LTF: variants seen among roughly 807,000 people sequenced by gnomAD.
LTF encodes lactotransferrin, also known as epididymis luminal protein 110.
In LTF, 91 loss-of-function variants were observed where a neutral mutation model predicts 87.2. The ratio of observed to expected loss-of-function variants is 1.04; its 90% CI spans 0.88 to 1.24. The LOEUF (loss-of-function observed/expected upper bound fraction) is 1.24. LTF is among the 50% of genes most tolerant of loss of function. The pLI is 0.00. For synonymous variants in LTF, 378 were observed against 356.1 expected (o/e 1.06, Z -0.69); for missense variants, 901 against 904.3 (o/e 1.00, Z 0.05).
rs1201431682 is a variant in LTF, at chr3:46,482,779, A to AAAAG, written c.-320+2203_-320+2206dup. Among the ~76,000 whole-genome samples, 5 of 137,050 alleles carry AAAAG rather than the reference A, an allele frequency of 3.6e-5. 1 individual carries two copies. Among genetic ancestry groups the AAAAG allele is most frequent in the African/African-American group, 1.0e-4 (4 of 38,994 alleles). The allele number at this position is 137,050 out of a possible 152,430, so 89.9% of individuals were successfully genotyped here. A position where few individuals can be genotyped will look rare whatever the true frequency, so the allele number is the denominator to read the frequency against. On this transcript the variant is annotated intron_variant, in intron 1 of 19. Transcript: ENST00000443496. ...GGAAAGAGAAAGAAAGAAAGAAAGA[A>AAAAG]AAAGAAAGAAAGAAAGAAGGAAGGA...
chr3:46,445,130 G>A (rs909513996), intron 12 of LTF, 151 bp downstream of exon 12: 2 of 745,794 alleles, frequency 2.7e-6, no homozygotes, highest in South Asian at 2.0e-5. Flanking sequence ...GCCTCCAGGG[G>A]GCAGCCACAG....
chr3:46,462,470 T>C (rs897411216), intron 1 of LTF, among the ~76,000 whole-genome samples: 3 of 152,182 alleles, frequency 2.0e-5, no homozygotes, highest in African/African-American at 7.2e-5. Context: ...TAAGTAAGTG[T>C]TGGATCTAGG....
At chr3:46,457,261 C>G (rs1248113380) in intron 2 of LTF, among the ~76,000 whole-genome samples, 3 of 152,244 alleles carry the variant, frequency 2.0e-5, no homozygotes, top group Admixed American at 6.5e-5. Context: ...CTAACTTCTG[C>G]AGAGCCTTTA....
upstream of LTF, among the ~76,000 whole-genome samples, chr3:46,466,613 G>C (rs1050295482): frequency 1.3e-5 from 2 of 152,190 alleles, no homozygotes; most frequent in African/African-American, 4.8e-5. Flanking sequence ...ATGCTTGCCT[G>C]CCATGAGACT....
intron 8 of LTF, 23 bp from the exon 9 acceptor site, chr3:46,449,040 T>G: frequency 6.3e-7 from 1 of 1,591,318 alleles, no homozygotes; most frequent in South Asian, 1.1e-5. Flanking sequence ...AGACCGCAGG[T>G]GGCTGGGCAA....
intron 1 of LTF, among the ~76,000 whole-genome samples, chr3:46,478,618 G>T (rs1269508980): frequency 6.6e-6 from 1 of 152,214 alleles, no homozygotes; most frequent in Non-Finnish European, 1.5e-5. Context: ...GGGCCAAGGG[G>T]AGGACAGAAG....
rs1455304422 is a variant in LTF at position 46,446,396 on chromosome 3, C to T, written c.1357+44G>A. ...TTCCTGCCACTTCCTCTTCCAGCAA[C>T]AAGAACTTATCCTTGACCCTGAAAG... On this transcript the variant is annotated intron_variant, in intron 11 of 16. Transcript: ENST00000231751. 2.6e-6 allele frequency: 4 copies of T among 1,544,458 alleles called. No homozygotes were observed. The South Asian group carries it at 4.6e-5, about 18-fold the overall frequency.
At chr3:46,446,538 T>A in intron 10 of LTF, 45 bp from the exon 11 acceptor site, 1 of 1,546,036 alleles carries the variant, frequency 6.5e-7, no homozygotes, top group South Asian at 1.1e-5. Flanking sequence ...CATTCAGATG[T>A]AGTGAGAAGC....
chr3:46,451,289 G>A (rs1435901073), intron 6 of LTF, among the ~76,000 whole-genome samples: 1 of 152,062 alleles, frequency 6.6e-6, no homozygotes, highest in Non-Finnish European at 1.5e-5. Context: ...AGTATAGGAG[G>A]GAAGAATTAA....
chr3:46,458,632 T>C (rs1703000113), intron 2 of LTF, among the ~76,000 whole-genome samples: 1 of 152,202 alleles, frequency 6.6e-6, no homozygotes, highest in African/African-American at 2.4e-5. Flanking sequence ...TGGAGTGCAA[T>C]AGCATGATCT....
In LTF at chr3:46,443,691, C is replaced by T. The variant is rs138858199; in HGVS notation, c.1514-109G>A. 7.0e-3 allele frequency: 7,083 copies of T among 1,008,334 alleles called. 46 individuals carry two copies. The highest frequency in any genetic ancestry group is 0.012 in the Middle Eastern group (57 of 4,744). The allele number at this position is 1,008,334 out of a possible 1,614,324, so 62.5% of individuals were successfully genotyped here. ...TTTCAGTTCATTAGACTTCCCAGGACAGCAATCTAGATAGAACACACTCAC... is the reference window on the plus strand; with the variant it reads ...TTTCAGTTCATTAGACTTCCCAGGATAGCAATCTAGATAGAACACACTCAC... On this transcript the variant is annotated intron_variant, in intron 12 of 16. Coordinates refer to ENST00000231751, the MANE Select transcript of LTF (RefSeq NM_002343.6).
chr3:46,457,692 G>A (rs1009875743), intron 2 of LTF, among the ~76,000 whole-genome samples: 2 of 152,194 alleles, frequency 1.3e-5, no homozygotes, highest in Non-Finnish European at 2.9e-5. Context: ...CATCTCACAA[G>A]TATTTTTTAT....
rs796504330 is a variant in LTF at position 46,482,802 on chromosome 3, G to A, written c.-320+2184C>T. ...GAAAAAGAAAGAAAGAAAGAAGGAA[G>A]GAAAGAAAGAAAGAAAGAAAGAGAA... On this transcript the variant is annotated intron_variant, in intron 1 of 19. Transcript: ENST00000443496. Among the ~76,000 whole-genome samples, 42 of 131,172 alleles carry A rather than the reference G, an allele frequency of 3.2e-4. 1 individual carries two copies. The highest frequency in any genetic ancestry group is 1.4e-3 in the East Asian group (6 of 4,300). 86.1% of individuals were successfully genotyped at this position (131,172 alleles called of 152,430 possible).
At chr3:46,453,895 T>C (rs147003871) in intron 6 of LTF, 73 of 184,412 alleles carry the variant, frequency 4.0e-4, no homozygotes, top group African/African-American at 1.6e-3. Flanking sequence ...ACCCCTGAGC[T>C]AGACATGTAT....
In LTF at chr3:46,436,437, G is replaced by C. The variant is rs570481442; in HGVS notation, c.2099-208C>G. Among the ~76,000 whole-genome samples, 67 of 152,264 alleles carry C rather than the reference G, an allele frequency of 4.4e-4. 1 individual carries two copies. The highest frequency in any genetic ancestry group is 4.2e-3 in the Admixed American group (64 of 15,286). ...CCAGAGTCTAGCCCTCACCAGCCAG[G>C]GTGTTTCCCTGCTCTGGCCTGAGAG... On this transcript the variant is annotated intron_variant, in intron 16 of 16. Coordinates refer to ENST00000231751, the MANE Select transcript of LTF (RefSeq NM_002343.6).
rs1340339507 is a variant in LTF, at chr3:46,464,831, C to T, written c.37G>A (p.Ala13Thr). The T allele has an allele frequency of 1.2e-6, 2 of 1,613,916 alleles. No homozygotes were observed. Among genetic ancestry groups the T allele is most frequent in the Admixed American group, 1.7e-5 (1 of 59,938 alleles). Reference sequence around the variant, plus strand: ...CCCAGGCACCTGCACTCACCGAGGGCCCCGAGGAACAGCAGGACGAGGAAG... The same window carrying T: ...CCCAGGCACCTGCACTCACCGAGGGTCCCGAGGAACAGCAGGACGAGGAAG... ...LVFLVLLFLG[A>T]LGLCLAGRRR... Residue 13 changes from alanine (A) to threonine (T), a missense_variant, in exon 1 of 17, where the codon GCC becomes ACC. Ala to Thr is a moderately conservative substitution (Grantham distance 58). Coordinates refer to ENST00000231751, the MANE Select transcript of LTF (RefSeq NM_002343.6).
Position 46,446,150 on chromosome 3 carries a change from G to A in LTF, c.1357+290C>T, listed in dbSNP as rs575482884. Among the ~76,000 whole-genome samples, 17 of 152,164 alleles carry A rather than the reference G, an allele frequency of 1.1e-4. No homozygotes were observed. In the South Asian group the frequency reaches 3.1e-3, roughly 28 times the overall value. ...AGATCCTGGGCACTTGGGGACTCTC[G>A]GTGCCACTGTTTCCTCATCCCCATG... is the stretch of plus-strand genomic sequence containing the variant. On this transcript the variant is annotated intron_variant, in intron 11 of 16. Coordinates refer to ENST00000231751, the MANE Select transcript of LTF (RefSeq NM_002343.6).
intron 12 of LTF, 34 bp downstream of exon 12, chr3:46,445,247 G>A (rs1159620598): frequency 2.5e-6 from 4 of 1,578,994 alleles, no homozygotes; most frequent in Non-Finnish European, 3.4e-6. Context: ...ACCCTCCAGG[G>A]TGGCCCACCC....
chr3:46,476,021 T>G (rs1043101148), intron 1 of LTF, among the ~76,000 whole-genome samples: 1 of 152,256 alleles, frequency 6.6e-6, no homozygotes, highest in African/African-American at 2.4e-5. Context: ...ATTTTCTAAT[T>G]TTTATTTCAT....
Sources: allele counts gnomAD v4.1 joint callset (sites outside exome capture counted in the v4.1 genomes callset), GRCh38; gene constraint gnomAD v4.1.1; transcripts MANE v1.5; gene names NCBI Gene and HGNC (gene_info 2026-07-23, HGNC 2026-07-21).